Variants in THRB observed in about 807,000 individuals in gnomAD.
THRB encodes nuclear receptor subfamily 1 group A member 2.
THRB carries 12 observed loss-of-function variants against 47.8 expected under a neutral mutation model. That is an observed-to-expected ratio of 0.25 (90% CI 0.16 to 0.41). The LOEUF is 0.41. Among genes scored for constraint, THRB ranks in the 10% least tolerant of loss-of-function variants. The pLI is 1.00. For missense variants in THRB, 348 were observed against 589.2 expected, an observed-to-expected ratio of 0.59 and a Z score of 4.24; for synonymous variants, 218 against 212.2, an observed-to-expected ratio of 1.03 and a Z score of -0.24.
At chr3:24,483,518 T>C (rs1428095824) in intron 1 of THRB, among the ~76,000 whole-genome samples, 1 of 151,294 alleles carries the variant, frequency 6.6e-6, no homozygotes, top group African/African-American at 2.4e-5. Flanking sequence ...AAAAACATGT[T>C]AATAATGTGC....
At position 24,209,430 on chromosome 3, in the gene THRB, T is replaced by C. The variant is rs562549742; in HGVS notation, c.23-19096A>G. Among the ~76,000 whole-genome samples the C allele has an allele frequency of 1.2e-4, 18 of 152,342 alleles. No homozygotes were observed. The South Asian group carries it at 3.7e-3, about 32-fold the overall frequency. On this transcript the variant is annotated intron_variant, in intron 4 of 10. Transcript: ENST00000646209. ...AGCAAAGACTTGGAACCAACCCAAA[T>C]GTCCATCAATGATAGACTGGATTAA...
chr3:24,197,837 G>A (rs2044133961), intron 4 of THRB, among the ~76,000 whole-genome samples: 1 of 152,240 alleles, frequency 6.6e-6, no homozygotes. Context: ...CAAGCTCTGT[G>A]AGCAGGGAAG....
intron 1 of THRB, among the ~76,000 whole-genome samples, chr3:24,464,808 A>G (rs557647396): frequency 9.2e-5 from 14 of 152,306 alleles, no homozygotes; most frequent in African/African-American, 3.4e-4. Flanking sequence ...TTGTAAACCA[A>G]CCAAAATCTA....
At chr3:24,300,530 T>A (rs1179390288) in intron 2 of THRB, among the ~76,000 whole-genome samples, 4 of 152,192 alleles carry the variant, frequency 2.6e-5, no homozygotes, top group African/African-American at 9.7e-5. Flanking sequence ...ATCTTGCATA[T>A]CAATGCTTTT....
intron 5 of THRB, among the ~76,000 whole-genome samples, chr3:24,172,209 G>C (rs1457858384): frequency 2.0e-5 from 3 of 152,094 alleles, no homozygotes; most frequent in Admixed American, 6.6e-5. Context: ...TGGAGCTTAA[G>C]GCACGGATAC....
At chr3:24,351,942 T>G (rs898657341) in intron 1 of THRB, among the ~76,000 whole-genome samples, 2 of 152,136 alleles carry the variant, frequency 1.3e-5, no homozygotes, top group Non-Finnish European at 2.9e-5. Context: ...GTGAGCCAGC[T>G]CATTCTGAGA....
At chr3:24,256,563 A>G (rs892396123) in intron 3 of THRB, among the ~76,000 whole-genome samples, 1 of 152,134 alleles carries the variant, frequency 6.6e-6, no homozygotes, top group Non-Finnish European at 1.5e-5. Flanking sequence ...GAGAGGGAAA[A>G]AGATAACTCA....
At chr3:24,288,398 G>A (rs1434054434) in intron 3 of THRB, among the ~76,000 whole-genome samples, 1 of 152,220 alleles carries the variant, frequency 6.6e-6, no homozygotes, top group African/African-American at 2.4e-5. Context: ...GTTCTCAGCT[G>A]AGAGTTGTGC....
At chr3:24,144,602 G>C (rs1310430538) in intron 7 of THRB, 3 of 152,188 alleles carry the variant, frequency 2.0e-5, no homozygotes, top group East Asian at 3.9e-4. Context: ...CTATATTTCT[G>C]TGGTCAATTT....
intron 2 of THRB, among the ~76,000 whole-genome samples, chr3:24,334,659 T>G (rs1198728509): frequency 6.6e-6 from 1 of 152,326 alleles, no homozygotes; most frequent in Middle Eastern, 3.4e-3. Flanking sequence ...AAGCTTATTT[T>G]CATCTTTCCT....
chr3:24,476,344 A>G (rs570551175), intron 1 of THRB, among the ~76,000 whole-genome samples: 1 of 152,336 alleles, frequency 6.6e-6, no homozygotes, highest in Admixed American at 6.5e-5. Flanking sequence ...AAATGTACAA[A>G]TTAACACAAA....
intron 1 of THRB, among the ~76,000 whole-genome samples, chr3:24,408,893 T>C (rs950977551): frequency 6.6e-6 from 1 of 151,818 alleles, no homozygotes; most frequent in Non-Finnish European, 1.5e-5. Context: ...AACTATACTC[T>C]ATAAAAATGT....
At chr3:24,179,038 A>C (rs2041550238) in intron 5 of THRB, among the ~76,000 whole-genome samples, 1 of 152,190 alleles carries the variant, frequency 6.6e-6, no homozygotes, top group Non-Finnish European at 1.5e-5. Flanking sequence ...AAAATAAATA[A>C]ATAAAATGAA....
At chr3:24,219,731 A>G (rs562792646) in intron 4 of THRB, among the ~76,000 whole-genome samples, 1 of 152,358 alleles carries the variant, frequency 6.6e-6, no homozygotes, top group East Asian at 1.9e-4. Context: ...CCTCTACATC[A>G]GTGATTCTCA....
chr3:24,356,914 C>G (rs2063711212), intron 1 of THRB, among the ~76,000 whole-genome samples: 1 of 152,038 alleles, frequency 6.6e-6, no homozygotes, highest in Non-Finnish European at 1.5e-5. Flanking sequence ...CTCTGATTGC[C>G]AGTCATGAGA....
At chr3:24,279,703 TGAG>T (rs1443885594) in intron 3 of THRB, among the ~76,000 whole-genome samples, 1 of 152,088 alleles carries the variant, frequency 6.6e-6, no homozygotes, top group African/African-American at 2.4e-5. Flanking sequence ...CCAAATGCAA[TGAG>T]TTCTTGTTCT....
At chr3:24,311,384 C>G (rs2057747102) in intron 2 of THRB, among the ~76,000 whole-genome samples, 1 of 152,136 alleles carries the variant, frequency 6.6e-6, no homozygotes. Context: ...ATTAGGAGGG[C>G]TTCAATGGTT....
At chr3:24,162,995 T>C (rs1575518125) in intron 5 of THRB, among the ~76,000 whole-genome samples, 1 of 152,304 alleles carries the variant, frequency 6.6e-6, no homozygotes, top group Middle Eastern at 3.4e-3. Flanking sequence ...TATGAACTTT[T>C]ATCTATTGTG....
At chr3:24,155,250 T>C (rs2037637667) in intron 5 of THRB, among the ~76,000 whole-genome samples, 1 of 152,186 alleles carries the variant, frequency 6.6e-6, no homozygotes, top group African/African-American at 2.4e-5. Flanking sequence ...TACTCTCTTA[T>C]TTCTCCTAGA....
Sources: allele counts gnomAD v4.1 joint callset (sites outside exome capture counted in the v4.1 genomes callset), GRCh38; gene constraint gnomAD v4.1.1; transcripts MANE v1.5; gene names NCBI Gene and HGNC (gene_info 2026-07-23, HGNC 2026-07-21).